DIP2C: variants seen among roughly 807,000 people sequenced by gnomAD.
DIP2C encodes disco-interacting protein 2 homolog C.
Under a neutral mutation model 192.4 loss-of-function variants are expected in DIP2C, and 33 were observed. That is an observed-to-expected ratio of 0.17 (90% confidence interval 0.13 to 0.23). The LOEUF is 0.23. DIP2C is among the 10% of genes least tolerant of loss of function. DIP2C has a pLI of 1.00. For synonymous variants in DIP2C, 979 were observed against 864.1 expected (o/e 1.13, Z -2.33); for missense variants, 1,537 against 2,110.1 (o/e 0.73, Z 5.32).
intron 1 of DIP2C, among the ~76,000 whole-genome samples, chr10:578,424 G>A (rs1398062695): frequency 6.6e-6 from 1 of 152,190 alleles, no homozygotes; most frequent in East Asian, 1.9e-4. Context: ...TGCTATATTA[G>A]TTCTACCTCA....
chr10:377,886 T>C (rs1280905363), intron 17 of DIP2C, among the ~76,000 whole-genome samples: 1 of 152,230 alleles, frequency 6.6e-6, no homozygotes, highest in Admixed American at 6.5e-5. Context: ...TTTTCATTAC[T>C]AAAATATCAG....
Position 283,554 on chromosome 10 carries a change from G to A in DIP2C, c.4120-108C>T, listed in dbSNP as rs1363515446. 3.4e-5 allele frequency: 46 copies of A among 1,345,664 alleles called. No individual in the cohort carries two copies. The East Asian group carries it at 7.0e-4, about 20-fold the overall frequency. The allele number at this position is 1,345,664 out of a possible 1,614,324, so 83.4% of individuals were successfully genotyped here. A position where few individuals can be genotyped will look rare whatever the true frequency, so the allele number is the denominator to read the frequency against. ...TACATTATATTCAGTGATAGTAAAC[G>A]TTTCCTTGGACTGAATAACCAAGAT... On this transcript the variant is annotated intron_variant, in intron 34 of 36. Transcript: ENST00000280886.
Position 536,861 on chromosome 10 carries a change from C to T in DIP2C, c.86-50331G>A, listed in dbSNP as rs777211619. On this transcript the variant is annotated intron_variant, in intron 1 of 36. Coordinates refer to ENST00000280886, the MANE Select transcript of DIP2C (RefSeq NM_014974.3). ...ATCTGAAACCATCTTCTTGACCCCC[C>T]AGTTCTGTGTTCTACTTGAGTATCT... is the stretch of plus-strand genomic sequence containing the variant. Among the ~76,000 whole-genome samples, 6 of 152,344 alleles carry T rather than the reference C, an allele frequency of 3.9e-5. 1 individual carries two copies. The highest frequency in any genetic ancestry group is 8.8e-5 in the Non-Finnish European group (6 of 68,040).
intron 1 of DIP2C, among the ~76,000 whole-genome samples, chr10:620,614 AC>A (rs1344784758): frequency 1.3e-5 from 2 of 152,216 alleles, no homozygotes; most frequent in Admixed American, 6.5e-5. Context: ...GAACTAAACT[AC>A]CTTTAGTTTG....
intron 1 of DIP2C, among the ~76,000 whole-genome samples, chr10:571,168 G>GA (rs1849773026): frequency 6.6e-6 from 1 of 152,210 alleles, no homozygotes; most frequent in Non-Finnish European, 1.5e-5. Flanking sequence ...GCTAAACCGG[G>GA]AAAAATCCAC....
Position 389,973 on chromosome 10 carries a change from C to T in DIP2C, c.1597+18G>A. On this transcript the variant is annotated intron_variant, in intron 13 of 36. Transcript: ENST00000280886. ...GGTTAGAACCAGGGTCCCAAGGAGT[C>T]AGGGTCTGGCACCCCACCTTCCGTG... The T allele has an allele frequency of 6.2e-7, 1 of 1,602,916 alleles. No individual in the cohort carries two copies. The highest frequency in any genetic ancestry group is 8.5e-7 in the Non-Finnish European group (1 of 1,173,408).
At chr10:653,375 G>A (rs1421565346) in intron 1 of DIP2C, among the ~76,000 whole-genome samples, 1 of 152,160 alleles carries the variant, frequency 6.6e-6, no homozygotes, top group Non-Finnish European at 1.5e-5. Context: ...TTGAACCCTG[G>A]AAGTGGAGGT....
intron 1 of DIP2C, among the ~76,000 whole-genome samples, chr10:542,997 GAA>G (rs962869014): frequency 2.6e-5 from 4 of 152,224 alleles, no homozygotes; most frequent in African/African-American, 9.7e-5. Flanking sequence ...TCAGCACCAG[GAA>G]AAGTCAAACA....
chr10:414,743 A>ATATATATAATGTG (rs1808835385), intron 7 of DIP2C, among the ~76,000 whole-genome samples: 1 of 64,424 alleles, frequency 1.6e-5, no homozygotes, highest in African/African-American at 6.1e-5. Flanking sequence ...GTGTGTGTAC[A>ATATATATAATGTG]TATATATATA....
chr10:390,204 AAC>A (rs1306890045), intron 12 of DIP2C, 58 bp downstream of exon 12: 2 of 1,596,222 alleles, frequency 1.3e-6, no homozygotes, highest in East Asian at 2.2e-5. Context: ...AACCGTCAGA[AAC>A]ACACGTTAGT....
intron 1 of DIP2C, among the ~76,000 whole-genome samples, chr10:635,315 C>T (rs1015807800): frequency 2.0e-5 from 3 of 152,236 alleles, no homozygotes; most frequent in South Asian, 4.1e-4. Flanking sequence ...TCAGCGTCTC[C>T]ACATCGGCCG....
chr10:647,080 C>T (rs1327090807), intron 1 of DIP2C, among the ~76,000 whole-genome samples: 3 of 152,162 alleles, frequency 2.0e-5, no homozygotes, highest in Non-Finnish European at 4.4e-5. Context: ...TCCACGTCCA[C>T]ATTTGACGGT....
intron 1 of DIP2C, among the ~76,000 whole-genome samples, chr10:629,356 G>A (rs900128007): frequency 1.3e-5 from 2 of 152,270 alleles, no homozygotes; most frequent in South Asian, 2.1e-4. Flanking sequence ...CCCCTCACCC[G>A]TGGTCCTGAG....
intron 1 of DIP2C, among the ~76,000 whole-genome samples, chr10:530,271 T>C (rs1335606908): frequency 6.6e-6 from 1 of 152,238 alleles, no homozygotes; most frequent in Non-Finnish European, 1.5e-5. Context: ...GTTCCTTATT[T>C]GCTATGGGCT....
chr10:545,600 C>G (rs571249443), intron 1 of DIP2C, among the ~76,000 whole-genome samples: 38 of 152,342 alleles, frequency 2.5e-4, no homozygotes, highest in African/African-American at 9.1e-4. Flanking sequence ...CTGCCTGCAC[C>G]TTGACCCCAG....
At position 390,028 on chromosome 10, in the gene DIP2C, G is replaced by A. The variant is rs1439554591; in HGVS notation, c.1560C>T (p.His520=). The A allele has an allele frequency of 2.5e-6, 4 of 1,613,988 alleles. No homozygotes were observed. The highest frequency in any genetic ancestry group is 3.4e-6 in the Non-Finnish European group (4 of 1,179,976). ...CACACGCCTGCGTCAGGGCCTGGCA[G>A]TGTGTCAGCAGCGCAGTCCTCGTCA... The part of the protein sequence containing the change: ...VTVTRTALLT[H]CQALTQACGY... The change falls in exon 13 of 37, where the codon CAC becomes CAT. Residue 520 remains histidine (H), a synonymous_variant. Transcript: ENST00000280886.
chr10:379,140 TCC>T (rs1246799091), intron 17 of DIP2C, among the ~76,000 whole-genome samples: 3 of 128,918 alleles, frequency 2.3e-5, no homozygotes, highest in Non-Finnish European at 4.7e-5. Context: ...GCCAGCCTGC[TCC>T]CACATACCCA....
chr10:571,469 C>T (rs1042324851), intron 1 of DIP2C, among the ~76,000 whole-genome samples: 5 of 151,324 alleles, frequency 3.3e-5, no homozygotes, highest in African/African-American at 1.2e-4. Context: ...CTCCTGCATC[C>T]CCCCTCCTTC....
intron 1 of DIP2C, among the ~76,000 whole-genome samples, chr10:571,075 T>C (rs780324022): frequency 2.0e-5 from 3 of 152,160 alleles, no homozygotes; most frequent in Middle Eastern, 3.2e-3. Context: ...GCCCCCACAA[T>C]TACAGGATCT....
Sources: gnomAD v4.1 joint callset for allele counts (sites outside exome capture counted in the v4.1 genomes callset) on GRCh38, gnomAD v4.1.1 for gene constraint, MANE v1.5 for transcripts, NCBI Gene and HGNC (gene_info 2026-07-23, HGNC 2026-07-21) for gene names.